LAMC1: variants seen among roughly 807,000 people sequenced by gnomAD.
LAMC1 encodes the protein laminin subunit gamma 1.
LAMC1 carries 38 observed loss-of-function variants against 173.6 expected under a neutral mutation model. The observed-to-expected ratio is 0.22, with a 90% CI of 0.17 to 0.29. LAMC1 has a LOEUF of 0.29. Among genes scored for constraint, LAMC1 ranks in the 10% least tolerant of loss-of-function variants. The pLI is 1.00. For missense variants in LAMC1, 1,824 were observed against 2,051.8 expected (o/e 0.89, Z 2.14); for synonymous variants, 746 against 749.1 (o/e 1.00, Z 0.07).
Position 183,127,315 on chromosome 1 carries a change from T to A in LAMC1, c.3034T>A (p.Cys1012Ser). 6.2e-7 allele frequency: 1 copy of A among 1,614,196 alleles called. No homozygotes were observed. The highest frequency in any genetic ancestry group is 8.5e-7 in the Non-Finnish European group (1 of 1,180,014). ...CAGAGAAGGCTTTGTGGGAAATCGC[T>A]GTGACCAGTGTGAAGAAAACTATTT... ...ECREGFVGNR[C>S]DQCEENYFYN... is the part of the protein sequence containing the mutation. The change falls in exon 17 of 28, where the codon TGT (cysteine) becomes AGT (serine). Residue 1012 changes from cysteine to serine, a missense_variant. Transcript: ENST00000258341.
chr1:183,056,049 A>G (rs974132440), intron 1 of LAMC1, among the ~76,000 whole-genome samples: 1 of 152,190 alleles, frequency 6.6e-6, no homozygotes, highest in Admixed American at 6.5e-5. Context: ...CTCTTTCTTT[A>G]GTAAAGATGG....
At chr1:183,049,469 T>A (rs1045290953) in intron 1 of LAMC1, among the ~76,000 whole-genome samples, 9 of 152,006 alleles carry the variant, frequency 5.9e-5, no homozygotes, top group African/African-American at 2.2e-4. Context: ...TTTTGTTTTT[T>A]TTTTTTGTTT....
chr1:183,093,093 A>G (rs764347123), intron 1 of LAMC1, among the ~76,000 whole-genome samples: 12 of 152,256 alleles, frequency 7.9e-5, no homozygotes, highest in Middle Eastern at 3.4e-3. Flanking sequence ...GCAGTGAGCT[A>G]TGATAGTACC....
chr1:183,051,232 C>CTTAGCCATATCATTATATGTGATGATA (rs1654419607), intron 1 of LAMC1, among the ~76,000 whole-genome samples: 1 of 152,188 alleles, frequency 6.6e-6, no homozygotes, highest in Non-Finnish European at 1.5e-5. Context: ...GATGATATGG[C>CTTAGCCATATCATTATATGTGATGATA]AGTTCTAGGC....
intron 20 of LAMC1, among the ~76,000 whole-genome samples, chr1:183,131,602 A>C (rs898727790): frequency 2.6e-5 from 4 of 152,188 alleles, no homozygotes; most frequent in African/African-American, 9.7e-5. Flanking sequence ...TGAATATTAG[A>C]ATACAATGGT....
rs551183700 is a variant in LAMC1 at position 183,026,658 on chromosome 1, T to G, written c.418+2524T>G. Among the ~76,000 whole-genome samples, 37 of 152,344 alleles carry G rather than the reference T, an allele frequency of 2.4e-4. 1 individual carries two copies. Among genetic ancestry groups the G allele is most frequent in the African/African-American group, 8.4e-4 (35 of 41,574 alleles). On this transcript the variant is annotated intron_variant, in intron 1 of 27. Transcript: ENST00000258341. ...CATACCCTTAAACAAGTGATGCATA[T>G]TGTGCTTTGCTATTACAGAGCATGT...
intron 3 of LAMC1, among the ~76,000 whole-genome samples, chr1:183,110,188 A>G (rs912344326): frequency 7.2e-5 from 11 of 152,268 alleles, no homozygotes; most frequent in South Asian, 6.2e-4. Flanking sequence ...CTGAACCACT[A>G]TATTCTGCTA....
intron 1 of LAMC1, among the ~76,000 whole-genome samples, chr1:183,084,129 C>A (rs374421707): frequency 6.6e-6 from 1 of 151,924 alleles, no homozygotes; most frequent in Non-Finnish European, 1.5e-5. Flanking sequence ...CTGAGGTGGG[C>A]GGATCACAAG....
chr1:183,062,828 C>T (rs1030834998), intron 1 of LAMC1, among the ~76,000 whole-genome samples: 1 of 152,020 alleles, frequency 6.6e-6, no homozygotes, highest in Non-Finnish European at 1.5e-5. Context: ...GTGGTGCATG[C>T]CTGTAATCCC....
Position 183,110,516 on chromosome 1 carries a change from T to A in LAMC1, c.883T>A (p.Cys295Ser). The change falls in exon 4 of 28, where the codon TGT becomes AGT. Residue 295 changes from cysteine (C) to serine (S), a missense_variant. Physicochemically the swap from Cys to Ser is moderately radical, Grantham distance 112. Coordinates refer to ENST00000258341, the MANE Select transcript of LAMC1 (RefSeq NM_002293.4). The part of the protein sequence containing the change: ...RCKCNGHASE[C>S]MKNEFDKLVC... ...TAAATGTAATGGACACGCAAGCGAG[T>A]GTATGAAGAACGAATTTGATAAGCT... 6.2e-7 allele frequency: 1 copy of A among 1,613,348 alleles called. No homozygotes were observed. The highest frequency in any genetic ancestry group is 1.1e-5 in the South Asian group (1 of 90,908).
intron 2 of LAMC1, among the ~76,000 whole-genome samples, chr1:183,105,013 C>T (rs1273778935): frequency 4.0e-5 from 6 of 149,654 alleles, no homozygotes; most frequent in Non-Finnish European, 1.5e-5. Context: ...ATTCAAAACC[C>T]ACCTGGCCAA....
At chr1:183,074,448 A>G (rs1655079470) in intron 1 of LAMC1, among the ~76,000 whole-genome samples, 1 of 152,220 alleles carries the variant, frequency 6.6e-6, no homozygotes, top group Non-Finnish European at 1.5e-5. Flanking sequence ...GCCACTTAGT[A>G]GTGGTTTACT....
At chr1:183,026,110 G>A (rs1258804744) in intron 1 of LAMC1, among the ~76,000 whole-genome samples, 1 of 152,150 alleles carries the variant, frequency 6.6e-6, no homozygotes, top group Non-Finnish European at 1.5e-5. Context: ...AATGTTTTAT[G>A]CTTGGACTTG....
At chr1:183,024,899 A>G (rs927468466) in intron 1 of LAMC1, among the ~76,000 whole-genome samples, 1 of 152,266 alleles carries the variant, frequency 6.6e-6, no homozygotes, top group Non-Finnish European at 1.5e-5. Context: ...AAATCAGGAA[A>G]GGGATGTGTA....
intron 1 of LAMC1, among the ~76,000 whole-genome samples, chr1:183,052,137 A>G (rs1004060258): frequency 2.0e-5 from 3 of 152,134 alleles, no homozygotes; most frequent in Non-Finnish European, 4.4e-5. Flanking sequence ...ATCCAAGAGT[A>G]ACCATCACTT....
rs1657207425 is a variant in LAMC1 at position 183,144,662 on chromosome 1, G to C, written c.*1872G>C. Reference sequence around the variant, plus strand: ...GACAAGCTATGGTAGGATTAGGAAAGTTTGCTGAAGAGGATCTTTGACGCC... The same window carrying C: ...GACAAGCTATGGTAGGATTAGGAAACTTTGCTGAAGAGGATCTTTGACGCC... On this transcript the variant is annotated 3_prime_UTR_variant, in exon 28 of 28. Coordinates refer to ENST00000258341, the MANE Select transcript of LAMC1 (RefSeq NM_002293.4). The C allele has an allele frequency of 6.6e-6, 1 of 152,236 alleles. No homozygotes were observed. Among genetic ancestry groups the C allele is most frequent in the African/African-American group, 2.4e-5 (1 of 41,452 alleles). 9.4% of individuals were successfully genotyped at this position (152,236 alleles called of 1,614,324 possible). A position where few individuals can be genotyped will look rare whatever the true frequency, so the allele number is the denominator to read the frequency against.
intron 19 of LAMC1, 152 bp from the exon 20 acceptor site, chr1:183,131,147 C>G (rs1656772502): frequency 1.5e-5 from 9 of 598,774 alleles, no homozygotes; most frequent in Admixed American, 1.3e-4. Flanking sequence ...GCCCTTCTGC[C>G]TGGGCAACAA....
At chr1:183,136,170 A>G (rs1656933190) in intron 24 of LAMC1, among the ~76,000 whole-genome samples, 1 of 152,220 alleles carries the variant, frequency 6.6e-6, no homozygotes, top group Non-Finnish European at 1.5e-5. Context: ...TGTTGAAGTA[A>G]GAATTCTATT....
In LAMC1 at chr1:183,129,057, C is replaced by T. The variant is rs913483230; in HGVS notation, c.3280+307C>T. Among the ~76,000 whole-genome samples, 20 of 145,966 alleles carry T rather than the reference C, an allele frequency of 1.4e-4. No homozygotes were observed. The East Asian group carries it at 3.2e-3, about 24-fold the overall frequency. On this transcript the variant is annotated intron_variant, in intron 18 of 27. Coordinates refer to ENST00000258341, the MANE Select transcript of LAMC1 (RefSeq NM_002293.4). ...AAAATATTAAAATAGTTTTAAAAAT[C>T]ATTAAAGGCATGCGTCTTCATAAGC...
Sources: gnomAD v4.1 joint callset for allele counts (sites outside exome capture counted in the v4.1 genomes callset) on GRCh38, gnomAD v4.1.1 for gene constraint, MANE v1.5 for transcripts, NCBI Gene and HGNC (gene_info 2026-07-23, HGNC 2026-07-21) for gene names.